ZNF750: variants seen among roughly 807,000 people sequenced by gnomAD.
ZNF750 encodes protein ZNF750.
In ZNF750, 10 loss-of-function variants were observed where a neutral mutation model predicts 31.6. The observed-to-expected ratio is 0.32, with a 90% CI of 0.19 to 0.54. ZNF750 has a LOEUF of 0.54. ZNF750 is among the 20% of genes least tolerant of loss of function. ZNF750 has a pLI of 0.95. For synonymous variants in ZNF750, 400 were observed against 404.9 expected, an observed-to-expected ratio of 0.99 and a Z score of 0.15; for missense variants, 914 against 934.9, an observed-to-expected ratio of 0.98 and a Z score of 0.29.
chr17:82,838,812 G>A (rs2054204805), intron 1 of ZNF750: 2 of 985,318 alleles, frequency 2.0e-6, no homozygotes, highest in Non-Finnish European at 2.4e-6. Flanking sequence ...TTCGGCAGGA[G>A]ATCCCGAGTT....
Position 82,830,024 on chromosome 17 carries a change from A to G in ZNF750, c.*118T>C, listed in dbSNP as rs2053334383. The G allele has an allele frequency of 1.3e-6, 2 of 1,489,838 alleles. No individual in the cohort carries two copies. Among genetic ancestry groups the G allele is most frequent in the African/African-American group, 2.8e-5 (2 of 71,712 alleles). The allele number at this position is 1,489,838 out of a possible 1,614,324, so 92.3% of individuals were successfully genotyped here. The stretch of plus-strand genomic sequence containing the variant: ...GTTTGTTTGTTTGTTTGTTTTTTTG[A>G]GAAGCAGCAGCTGCATTTGTAAAAA... On this transcript the variant is annotated 3_prime_UTR_variant, in exon 3 of 3. Transcript: ENST00000269394.
intron 1 of ZNF750, among the ~76,000 whole-genome samples, chr17:82,836,987 T>C (rs968734087): frequency 5.3e-5 from 8 of 152,188 alleles, no homozygotes; most frequent in Middle Eastern, 3.2e-3. Context: ...GGTGTCGATA[T>C]GGAGTCTCGG....
chr17:82,837,139 A>G (rs1285745956), intron 1 of ZNF750, among the ~76,000 whole-genome samples: 1 of 152,244 alleles, frequency 6.6e-6, no homozygotes, highest in Non-Finnish European at 1.5e-5. Context: ...CAGAGAAGTA[A>G]GTGGGATAAC....
rs1383337336 is a variant in ZNF750 at position 82,831,335 on chromosome 17, G to C, written c.1120C>G (p.His374Asp). 2 of 1,614,046 alleles carry C rather than the reference G, an allele frequency of 1.2e-6. No homozygotes were observed. Among genetic ancestry groups the C allele is most frequent in the Non-Finnish European group, 1.7e-6 (2 of 1,180,028 alleles). The change falls in exon 2 of 3, where the codon CAC (histidine) becomes GAC (aspartate). Residue 374 changes from histidine to aspartate, a missense_variant. His to Asp is a moderately conservative substitution (Grantham distance 81). This residue lies in a region of ZNF750 where 880 missense variants were observed against 868.9 expected (regional missense o/e 1.01). Coordinates refer to ENST00000269394, the MANE Select transcript of ZNF750 (RefSeq NM_024702.3). This position sits in a 1 kb window ranked among gnomAD's most constrained non-coding sequence, Gnocchi z 4.6. Reference sequence around the variant, plus strand: ...GGAATTGGACTTTCGAACTCGACGTGTTTTCTGTTGGGGTCCGAAGGGTTT... The same window carrying C: ...GGAATTGGACTTTCGAACTCGACGTCTTTTCTGTTGGGGTCCGAAGGGTTT... ...RLNPSDPNRKHVEFESPIPEA... is the reference protein window; with the variant it reads ...RLNPSDPNRKDVEFESPIPEA...
intron 1 of ZNF750, among the ~76,000 whole-genome samples, chr17:82,839,161 C>T (rs1567866272): frequency 2.0e-5 from 3 of 152,156 alleles, no homozygotes; most frequent in Non-Finnish European, 4.4e-5. Flanking sequence ...AACTTTAAAA[C>T]TATTAAAAGT....
In ZNF750 at chr17:82,832,988, A is replaced by G. The variant is rs74002544; in HGVS notation, c.-182-352T>C. On this transcript the variant is annotated intron_variant, in intron 1 of 2. Transcript: ENST00000269394. This position sits in a 1 kb window ranked among gnomAD's most constrained non-coding sequence, Gnocchi z 4.9. ...TCCTGTGACCTGGACCTTTCCTCGA[A>G]AGCGCCCTGCCGGGGGCTGAGGACA... 0.039 allele frequency among the ~76,000 whole-genome samples: 5,928 copies of G among 152,076 alleles called. 400 individuals carry two copies. The highest frequency in any genetic ancestry group is 0.13 in the African/African-American group (5,544 of 41,426).
chr17:82,833,318 G>A lies in ZNF750; in HGVS notation c.-182-682C>T, dbSNP rs1340651658. Among the ~76,000 whole-genome samples the A allele has an allele frequency of 6.6e-6, 1 of 152,068 alleles. No homozygotes were observed. The highest frequency in any genetic ancestry group is 1.5e-5 in the Non-Finnish European group (1 of 68,014). On this transcript the variant is annotated intron_variant, in intron 1 of 2. Coordinates refer to ENST00000269394, the MANE Select transcript of ZNF750 (RefSeq NM_024702.3). The surrounding 1 kb of genome is among the most constrained non-coding windows in gnomAD (Gnocchi z 4.7). ...ACCATGGATGCTGCTGCCTCCCCTG[G>A]GGCCGATCCCTAAGCACTCGTGGCA...
At position 82,830,469 on chromosome 17, in the gene ZNF750, G is replaced by GC. The variant is rs777894983; in HGVS notation, c.1844dup (p.Glu616ArgfsTer66). On this transcript the variant is annotated frameshift_variant, in exon 3 of 3. Transcript: ENST00000269394. LOFTEE classifies it low-confidence loss of function (END_TRUNC). ...CCGCGCATGCGTCTGGAGCCTCCTC[G>GC]CCGGGGCCTGTGGGTGGGGCCCCGT... The GC allele has an allele frequency of 2.5e-6, 4 of 1,612,748 alleles. No homozygotes were observed. In the Admixed American group the frequency reaches 6.7e-5, roughly 27 times the overall value.
rs748944330 is a variant in ZNF750 at position 82,831,115 on chromosome 17, G to A, written c.1340C>T (p.Pro447Leu). 1.9e-6 allele frequency: 3 copies of A among 1,614,028 alleles called. No individual in the cohort carries two copies. The highest frequency in any genetic ancestry group is 2.2e-5 in the South Asian group (2 of 91,088). Residue 447 changes from proline to leucine, a missense_variant, in exon 2 of 3, where the codon CCG (proline) becomes CTG (leucine). Physicochemically the swap from Pro to Leu is moderately conservative, Grantham distance 98 (BLOSUM62 -3). Around this residue, in one of 2 missense-constraint regions of ZNF750, gnomAD observed 880 missense variants for 868.9 expected, o/e 1.01. Coordinates refer to ENST00000269394, the MANE Select transcript of ZNF750 (RefSeq NM_024702.3). The surrounding 1 kb of genome is among the most constrained non-coding windows in gnomAD (Gnocchi z 4.6). ...AASSALGRLY[P>L]PEQSLTAFRP... ...GAAGGCTGTGAGGCTTTGCTCTGGC[G>A]GGTAGAGTCTTCCCAGTGCGCTGGA...
Position 82,832,648 on chromosome 17 carries a change from A to G in ZNF750, c.-182-12T>C. The G allele has an allele frequency of 1.6e-6, 1 of 632,554 alleles. No homozygotes were observed. The highest frequency in any genetic ancestry group is 2.7e-5 in the East Asian group (1 of 36,380). 39.2% of individuals were successfully genotyped at this position (632,554 alleles called of 1,614,324 possible). A position where few individuals can be genotyped will look rare whatever the true frequency, so the allele number is the denominator to read the frequency against. On this transcript the variant is annotated splice_polypyrimidine_tract_variant and intron_variant, in intron 1 of 2. Coordinates refer to ENST00000269394, the MANE Select transcript of ZNF750 (RefSeq NM_024702.3). The surrounding 1 kb of genome is among the most constrained non-coding windows in gnomAD (Gnocchi z 4.9). ...CTGGCGGCTGGGAGCTGTAATAAAG[A>G]GCAGTCTTGGTGTCAGGACAGCGAG...
At chr17:82,839,139 G>C (rs1323127467) in intron 1 of ZNF750, among the ~76,000 whole-genome samples, 1 of 152,182 alleles carries the variant, frequency 6.6e-6, no homozygotes, top group African/African-American at 2.4e-5. Context: ...GTAAGCTTAT[G>C]TACTTATTTT....
At position 82,830,140 on chromosome 17, in the gene ZNF750, C is replaced by A. The variant is rs183896921; in HGVS notation, c.*2G>T. On this transcript the variant is annotated 3_prime_UTR_variant, in exon 3 of 3. Transcript: ENST00000269394. ...TCTGTGAACACACGTGTGAACCCGGCGTTAGGACACCCGGGCCCTCCTTCG... is the reference window on the plus strand; with the variant it reads ...TCTGTGAACACACGTGTGAACCCGGAGTTAGGACACCCGGGCCCTCCTTCG... 1 of 1,613,494 alleles carries A rather than the reference C, an allele frequency of 6.2e-7. No homozygotes were observed. Among genetic ancestry groups the A allele is most frequent in the East Asian group, 2.2e-5 (1 of 44,892 alleles).
chr17:82,832,214 C>T lies in ZNF750; in HGVS notation c.241G>A (p.Ala81Thr). Residue 81 changes from alanine (A) to threonine (T), a missense_variant, in exon 2 of 3, where the codon GCC becomes ACC. Physicochemically the swap from Ala to Thr is moderately conservative, Grantham distance 58. Transcript: ENST00000269394. This position sits in a 1 kb window ranked among gnomAD's most constrained non-coding sequence, Gnocchi z 4.9. ...LDPKQTNQPD[A>T]TAKPASSKSV... ...TTGGAAGAGGCTGGCTTCGCCGTGG[C>T]ATCGGGCTGGTTGGTTTGCTTGGGG... is the stretch of plus-strand genomic sequence containing the variant. 6.2e-7 allele frequency: 1 copy of T among 1,614,232 alleles called. No homozygotes were observed. Among genetic ancestry groups the T allele is most frequent in the Middle Eastern group, 1.6e-4 (1 of 6,062 alleles).
At position 82,832,517 on chromosome 17, in the gene ZNF750, C is replaced by T. The variant is rs547483539; in HGVS notation, c.-63G>A. 3 of 1,464,310 alleles carry T rather than the reference C, an allele frequency of 2.0e-6. No homozygotes were observed. The highest frequency in any genetic ancestry group is 2.8e-5 in the African/African-American group (2 of 72,224). The allele number at this position is 1,464,310 out of a possible 1,614,324, so 90.7% of individuals were successfully genotyped here. On this transcript the variant is annotated 5_prime_UTR_variant, in exon 2 of 3. Coordinates refer to ENST00000269394, the MANE Select transcript of ZNF750 (RefSeq NM_024702.3). This position sits in a 1 kb window ranked among gnomAD's most constrained non-coding sequence, Gnocchi z 4.9. ...GCGTGATCACTGTCGACGCCGCGTG[C>T]ACTTCGTGGTTTCTAAAGAGGCACC...
At chr17:82,837,989 G>A (rs2054129333) in intron 1 of ZNF750, among the ~76,000 whole-genome samples, 1 of 152,252 alleles carries the variant, frequency 6.6e-6, no homozygotes, top group South Asian at 2.1e-4. Flanking sequence ...CATATTTACA[G>A]ATGCCACTCT....
chr17:82,830,582 C>A lies in ZNF750; in HGVS notation c.1732G>T (p.Ala578Ser). The change falls in exon 3 of 3, where the codon GCT becomes TCT. Residue 578 changes from alanine to serine, a missense_variant. Ala to Ser is a moderately conservative substitution (Grantham distance 99). This residue lies in a region of ZNF750 where 880 missense variants were observed against 868.9 expected (regional missense o/e 1.01). Transcript: ENST00000269394. ...CCAGTCTTCTGTGGAACAGCAGCAG[C>A]AGGTTCTGCAGCTCGTGGTCGACCG... ...FPGRPRAAEP[A>S]AAVPQKTGTE... 6.2e-7 allele frequency: 1 copy of A among 1,614,082 alleles called. No homozygotes were observed. Among genetic ancestry groups the A allele is most frequent in the Non-Finnish European group, 8.5e-7 (1 of 1,179,992 alleles).
chr17:82,835,547 C>G lies in ZNF750; in HGVS notation c.-182-2911G>C, dbSNP rs1034171624. Among the ~76,000 whole-genome samples, 1 of 152,098 alleles carries G rather than the reference C, an allele frequency of 6.6e-6. No homozygotes were observed. The highest frequency in any genetic ancestry group is 1.5e-5 in the Non-Finnish European group (1 of 68,008). ...AAGAGATTCTCCTGCCTCAGCCTCC[C>G]TAGTAGCTGGGATTACAGGTGCCTA... On this transcript the variant is annotated intron_variant, in intron 1 of 2. Coordinates refer to ENST00000269394, the MANE Select transcript of ZNF750 (RefSeq NM_024702.3). The surrounding 1 kb of genome is among the most constrained non-coding windows in gnomAD (Gnocchi z 4.5).
chr17:82,831,368 A>C lies in ZNF750; in HGVS notation c.1087T>G (p.Ser363Ala). The C allele has an allele frequency of 6.2e-7, 1 of 1,614,072 alleles. No individual in the cohort carries two copies. The highest frequency in any genetic ancestry group is 2.2e-5 in the East Asian group (1 of 44,886). Residue 363 changes from serine (S) to alanine (A), a missense_variant, in exon 2 of 3, where the codon TCC becomes GCC. Transcript: ENST00000269394. This position sits in a 1 kb window ranked among gnomAD's most constrained non-coding sequence, Gnocchi z 4.6. ...ATLVYPASSP[S>A]RLNPSDPNRK... is the part of the protein sequence containing the mutation. ...TTGGGGTCCGAAGGGTTTAACCTGG[A>C]AGGACTCGAGGCTGGATAGACCAGG...
At position 82,832,401 on chromosome 17, in the gene ZNF750, A is replaced by G; in HGVS notation, c.54T>C (p.Pro18=). 2 of 1,614,118 alleles carry G rather than the reference A, an allele frequency of 1.2e-6. No individual in the cohort carries two copies. The highest frequency in any genetic ancestry group is 1.7e-6 in the Non-Finnish European group (2 of 1,180,036). The change falls in exon 2 of 3, where the codon CCT becomes CCC. Residue 18 remains proline (P), a synonymous_variant. Transcript: ENST00000269394. This position sits in a 1 kb window ranked among gnomAD's most constrained non-coding sequence, Gnocchi z 4.9. Reference sequence around the variant, plus strand: ...ATTTATACTTGAAGGGCTTTCCTGGAGGCCTGGGGATGTAATGTGGCTTTT... The same window carrying G: ...ATTTATACTTGAAGGGCTTTCCTGGGGGCCTGGGGATGTAATGTGGCTTTT... ...KPKKPHYIPR[P]PGKPFKYKCF... is the part of the protein sequence containing the mutation.
Sources: allele counts gnomAD v4.1 joint callset (sites outside exome capture counted in the v4.1 genomes callset), GRCh38; gene constraint gnomAD v4.1.1; regional missense constraint gnomAD v4.1.1; non-coding constraint Gnocchi (gnomAD v3.1); transcripts MANE v1.5; gene names NCBI Gene and HGNC (gene_info 2026-07-23, HGNC 2026-07-21).